FAR1: variants seen among roughly 807,000 people sequenced by gnomAD.
FAR1 encodes the protein fatty acyl-CoA reductase 1, also known as male sterility domain-containing protein 2.
A neutral mutation model predicts 61.1 loss-of-function variants in FAR1; 22 were observed. The observed-to-expected ratio is 0.36, with a 90% CI of 0.26 to 0.51. The LOEUF is 0.51. FAR1 is among the 20% of genes least tolerant of loss of function. The probability of loss-of-function intolerance (pLI) is 0.95; values close to 1 mark genes in which losing one functional copy is unlikely to be tolerated. For synonymous variants in FAR1, 206 were observed against 209.7 expected, an observed-to-expected ratio of 0.98 and a Z score of 0.15; for missense variants, 359 against 626.9, an observed-to-expected ratio of 0.57 and a Z score of 4.56.
rs528276086 is a variant in FAR1 at position 13,725,611 on chromosome 11, AGACTTG to A, written c.1258-1941_1258-1936del. Among the ~76,000 whole-genome samples, 14 of 152,318 alleles carry A rather than the reference AGACTTG, an allele frequency of 9.2e-5. No homozygotes were observed. The South Asian group carries it at 2.9e-3, about 32-fold the overall frequency. ...CTATTTATCAAATTTACAAAAATGC[AGACTTG>A]GACAATGTACTCTAGTGAGTTCCTG... On this transcript the variant is annotated intron_variant, in intron 10 of 11. Transcript: ENST00000354817.
rs143327914 is a variant in FAR1, at chr11:13,714,843, G to A, written c.1127+163G>A. The stretch of plus-strand genomic sequence containing the variant: ...TTAAGACTTTGTCAGAAAAGCAAAG[G>A]TAGTGTTGTAAGTCACTCTAATTTG... On this transcript the variant is annotated intron_variant, in intron 9 of 11. Transcript: ENST00000354817. Among the ~76,000 whole-genome samples, 760 of 152,288 alleles carry A rather than the reference G, an allele frequency of 5.0e-3. 10 individuals carry two copies. The highest frequency in any genetic ancestry group is 0.017 in the African/African-American group (719 of 41,566).
chr11:13,700,313 AT>A lies in FAR1; in HGVS notation c.190-3del. On this transcript the variant is annotated splice_region_variant and splice_polypyrimidine_tract_variant and intron_variant, in intron 2 of 11. Coordinates refer to ENST00000354817, the MANE Select transcript of FAR1 (RefSeq NM_032228.6). Reference sequence around the variant, plus strand: ...GTAAAATAAATATTTTTCCCTCTTGATAGCTTTTTGACAGATTGAGAGATGA... The same window carrying A: ...GTAAAATAAATATTTTTCCCTCTTGAAGCTTTTTGACAGATTGAGAGATGA... The A allele has an allele frequency of 6.4e-7, 1 of 1,560,800 alleles. No individual in the cohort carries two copies. The highest frequency in any genetic ancestry group is 8.6e-7 in the Non-Finnish European group (1 of 1,161,476).
At chr11:13,685,542 T>A (rs562275595) in intron 1 of FAR1, 2 of 217,384 alleles carry the variant, frequency 9.2e-6, no homozygotes, top group South Asian at 1.6e-4. Flanking sequence ...CCTTTTGGAG[T>A]TGTACCTGAT....
intron 3 of FAR1, 142 bp from the exon 4 acceptor site, chr11:13,707,758 A>G (rs1229709901): frequency 2.1e-6 from 1 of 481,116 alleles, no homozygotes; most frequent in African/African-American, 2.0e-5. Flanking sequence ...GAAATAAAAT[A>G]CACAAAATCA....
intron 10 of FAR1, among the ~76,000 whole-genome samples, chr11:13,724,608 C>A (rs1848650638): frequency 6.7e-6 from 1 of 148,514 alleles, no homozygotes; most frequent in Non-Finnish European, 1.5e-5. Flanking sequence ...TCAAGAGTTT[C>A]TTTTTTCATC....
chr11:13,728,918 T>C lies in FAR1; in HGVS notation c.*144T>C. 1 of 731,002 alleles carries C rather than the reference T, an allele frequency of 1.4e-6. No homozygotes were observed. The highest frequency in any genetic ancestry group is 2.0e-5 in the South Asian group (1 of 48,892). 45.3% of individuals were successfully genotyped at this position (731,002 alleles called of 1,614,324 possible). ...GAAGTAAATTATGGTATATTTTATGTAACATTTTAATGTTTATGCTCATAA... is the reference window on the plus strand; with the variant it reads ...GAAGTAAATTATGGTATATTTTATGCAACATTTTAATGTTTATGCTCATAA... On this transcript the variant is annotated 3_prime_UTR_variant, in exon 12 of 12. Coordinates refer to ENST00000354817, the MANE Select transcript of FAR1 (RefSeq NM_032228.6).
chr11:13,671,466 G>A (rs1354808035), intron 1 of FAR1, among the ~76,000 whole-genome samples: 1 of 152,186 alleles, frequency 6.6e-6, no homozygotes, highest in African/African-American at 2.4e-5. Context: ...TTGGAGATAG[G>A]TAGTAAAGGA....
intron 10 of FAR1, among the ~76,000 whole-genome samples, chr11:13,724,954 C>T (rs1478086707): frequency 1.3e-5 from 2 of 152,086 alleles, no homozygotes; most frequent in African/African-American, 2.4e-5. Context: ...TGTAGGGTTG[C>T]GAGAATGGAC....
chr11:13,727,522 A>C, intron 10 of FAR1, 34 bp from the exon 11 acceptor site: 1 of 1,560,480 alleles, frequency 6.4e-7, no homozygotes, highest in Non-Finnish European at 8.7e-7. Context: ...AAAATTAGTC[A>C]AGAAAATAAT....
At chr11:13,673,256 TTTTAG>T (rs1848031070) in intron 1 of FAR1, among the ~76,000 whole-genome samples, 1 of 152,242 alleles carries the variant, frequency 6.6e-6, no homozygotes, top group Non-Finnish European at 1.5e-5. Context: ...TTCATCTAGC[TTTTAG>T]TTTAATTTCA....
At chr11:13,671,334 G>A (rs1051472331) in intron 1 of FAR1, among the ~76,000 whole-genome samples, 1 of 152,196 alleles carries the variant, frequency 6.6e-6, no homozygotes, top group African/African-American at 2.4e-5. Flanking sequence ...TGGTTTTTAA[G>A]GATGATTGAA....
chr11:13,670,781 T>G (rs905008000), intron 1 of FAR1, among the ~76,000 whole-genome samples: 4 of 151,928 alleles, frequency 2.6e-5, no homozygotes, highest in African/African-American at 9.7e-5. Context: ...ATTTGAAGCT[T>G]TTGGAATTTT....
At chr11:13,682,725 C>T (rs1165828898) in intron 1 of FAR1, among the ~76,000 whole-genome samples, 2 of 152,174 alleles carry the variant, frequency 1.3e-5, no homozygotes, top group Admixed American at 6.5e-5. Flanking sequence ...CCTTCCACCT[C>T]AGCCTCTCAA....
At chr11:13,699,231 T>C (rs1045087094) in intron 2 of FAR1, among the ~76,000 whole-genome samples, 2 of 152,344 alleles carry the variant, frequency 1.3e-5, no homozygotes, top group South Asian at 2.1e-4. Context: ...TTACCTGTTA[T>C]TGCTTAACAC....
At chr11:13,726,135 T>G (rs1213658863) in intron 10 of FAR1, among the ~76,000 whole-genome samples, 1 of 152,072 alleles carries the variant, frequency 6.6e-6, no homozygotes, top group Non-Finnish European at 1.5e-5. Context: ...GTTATTAGGT[T>G]GGTGCAAAAG....
intron 9 of FAR1, among the ~76,000 whole-genome samples, chr11:13,719,689 T>C (rs1340617246): frequency 6.6e-6 from 1 of 152,134 alleles, no homozygotes; most frequent in Non-Finnish European, 1.5e-5. Flanking sequence ...TTTGACAACA[T>C]TTGCAGGTAT....
In FAR1 at chr11:13,729,001, T is replaced by C; in HGVS notation, c.*227T>C. The C allele has an allele frequency of 2.6e-6, 1 of 377,428 alleles. No individual in the cohort carries two copies. The highest frequency in any genetic ancestry group is 4.9e-6 in the Non-Finnish European group (1 of 205,690). The allele number at this position is 377,428 out of a possible 1,614,324, so 23.4% of individuals were successfully genotyped here. A position where few individuals can be genotyped will look rare whatever the true frequency, so the allele number is the denominator to read the frequency against. On this transcript the variant is annotated 3_prime_UTR_variant, in exon 12 of 12. Transcript: ENST00000354817. ...AAATCTACAGTAGCCACCAAAACCATGACTTAATATTTTGAGCCCTAGAAG... is the reference window on the plus strand; with the variant it reads ...AAATCTACAGTAGCCACCAAAACCACGACTTAATATTTTGAGCCCTAGAAG...
Position 13,721,772 on chromosome 11 carries a change from T to C in FAR1, c.1170T>C (p.Phe390=). The C allele has an allele frequency of 1.9e-6, 3 of 1,611,616 alleles. No individual in the cohort carries two copies. The highest frequency in any genetic ancestry group is 2.5e-6 in the Non-Finnish European group (3 of 1,178,618). The change falls in exon 10 of 12, where the codon TTT becomes TTC. Residue 390 remains phenylalanine, a synonymous_variant. Transcript: ENST00000354817. The surrounding 1 kb of genome is among the most constrained non-coding windows in gnomAD (Gnocchi z 4.2). The stretch of plus-strand genomic sequence containing the variant: ...CTCGTCTTCACAAAGCTATGGTGTT[T>C]CTTGAATATTTCACAAGTAATTCTT... ...TITRLHKAMV[F]LEYFTSNSWV...
At chr11:13,673,192 G>C (rs934734522) in intron 1 of FAR1, among the ~76,000 whole-genome samples, 1 of 152,180 alleles carries the variant, frequency 6.6e-6, no homozygotes, top group Admixed American at 6.5e-5. Flanking sequence ...TTTGCCCTAG[G>C]ATCAGTACAG....
Sources: allele counts gnomAD v4.1 joint callset (sites outside exome capture counted in the v4.1 genomes callset), GRCh38; gene constraint gnomAD v4.1.1; non-coding constraint Gnocchi (gnomAD v3.1); transcripts MANE v1.5; gene names NCBI Gene and HGNC (gene_info 2026-07-23, HGNC 2026-07-21).